The following XPC variants were observed in gnomAD, a reference collection of about 807,000 sequenced individuals.
XPC encodes XPC complex subunit, DNA damage recognition and repair factor.
Under a neutral mutation model 95.8 loss-of-function variants are expected in XPC, and 76 were observed. The ratio of observed to expected loss-of-function variants is 0.79; its 90% CI spans 0.66 to 0.96. The LOEUF (loss-of-function observed/expected upper bound fraction) is 0.96. Among genes scored for constraint, XPC ranks in the 40% least tolerant of loss-of-function variants. The pLI, the probability that XPC is intolerant of heterozygous loss-of-function variation, is 0.00. For missense variants in XPC, 1,146 were observed against 1,179.8 expected (o/e 0.97, Z 0.42); for synonymous variants, 442 against 442.1 (o/e 1.00, Z 0.00).
intron 7 of XPC, among the ~76,000 whole-genome samples, chr3:14,162,459 G>A (rs1696202814): frequency 6.6e-6 from 1 of 152,186 alleles, no homozygotes; most frequent in Non-Finnish European, 1.5e-5. Flanking sequence ...AGAATTGAGA[G>A]GCTGGAAATT....
Position 14,146,099 on chromosome 3 carries a change from C to T in XPC, c.2665G>A (p.Gly889Arg). The change falls in exon 16 of 16, where the codon GGG becomes AGG. Residue 889 changes from glycine to arginine, a missense_variant. By Grantham distance (125) the Gly-to-Arg change is moderately radical. Coordinates refer to ENST00000285021, the MANE Select transcript of XPC (RefSeq NM_004628.5). ...GGGLSSDEEEGTSSQAEAARI... is the reference protein window; with the variant it reads ...GGGLSSDEEERTSSQAEAARI... ...GCCGCTTCTGCTTGAGAGCTGGTCC[C>T]CTCCTCTTCATCAGAAGAGAGTCCA... 1 of 1,612,216 alleles carries T rather than the reference C, an allele frequency of 6.2e-7. No homozygotes were observed. The highest frequency in any genetic ancestry group is 8.5e-7 in the Non-Finnish European group (1 of 1,179,448).
At chr3:14,152,577 C>T in intron 10 of XPC, 161 bp from the exon 11 acceptor site, 1 of 594,664 alleles carries the variant, frequency 1.7e-6, no homozygotes. Flanking sequence ...GCTAGGCAAA[C>T]AGCCTTGAAC....
chr3:14,176,750 C>A (rs1354456906), intron 1 of XPC, among the ~76,000 whole-genome samples: 1 of 152,132 alleles, frequency 6.6e-6, no homozygotes, highest in African/African-American at 2.4e-5. Context: ...TCTAATCTAC[C>A]CAGTTTTTTC....
rs200734256 is a variant in XPC at position 14,148,006 on chromosome 3, G to C, written c.2421-5C>G. ...CAGACGATGTATCCATCAGTCCTGT[G>C]GGGACACAACGCGATGTCAACCCTC... On this transcript the variant is annotated splice_region_variant and splice_polypyrimidine_tract_variant and intron_variant, in intron 13 of 15. Coordinates refer to ENST00000285021, the MANE Select transcript of XPC (RefSeq NM_004628.5). The C allele has an allele frequency of 3.8e-6, 6 of 1,574,358 alleles. No individual in the cohort carries two copies. The highest frequency in any genetic ancestry group is 5.2e-6 in the Non-Finnish European group (6 of 1,157,510).
intron 15 of XPC, among the ~76,000 whole-genome samples, chr3:14,146,840 G>A (rs991537808): frequency 2.6e-5 from 4 of 152,190 alleles, no homozygotes; most frequent in African/African-American, 7.2e-5. Flanking sequence ...CCCCCTTGAG[G>A]GCTGCATGTC....
At chr3:14,168,082 G>C (rs1464002856) in intron 4 of XPC, among the ~76,000 whole-genome samples, 175 bp downstream of exon 4, 3 of 152,148 alleles carry the variant, frequency 2.0e-5, no homozygotes, top group Non-Finnish European at 4.4e-5. Flanking sequence ...GCCCCAGCCA[G>C]GACACGAAGG....
intron 11 of XPC, among the ~76,000 whole-genome samples, chr3:14,150,785 A>G (rs764849720): frequency 6.6e-6 from 1 of 152,232 alleles, no homozygotes; most frequent in South Asian, 2.1e-4. Context: ...GCAGAGGCTT[A>G]AAGGGGCAAG....
At chr3:14,150,806 A>G (rs896148550) in intron 11 of XPC, among the ~76,000 whole-genome samples, 8 of 152,210 alleles carry the variant, frequency 5.3e-5, no homozygotes, top group African/African-American at 1.9e-4. Context: ...GGGTTGCCCA[A>G]GAGAACAGGG....
intron 11 of XPC, 68 bp from the exon 12 acceptor site, chr3:14,149,016 C>A: frequency 1.3e-6 from 2 of 1,595,894 alleles, no homozygotes; most frequent in Non-Finnish European, 8.6e-7. Flanking sequence ...GGCCAGGCAC[C>A]ATGCTCAGTG....
chr3:14,157,883 T>TG, intron 9 of XPC, 128 bp downstream of exon 9: 1 of 1,325,970 alleles, frequency 7.5e-7, no homozygotes, highest in Non-Finnish European at 1.0e-6. Context: ...TATATGGCTG[T>TG]GACAATTAAA....
At chr3:14,163,941 C>A (rs918454415) in intron 7 of XPC, among the ~76,000 whole-genome samples, 8 of 152,078 alleles carry the variant, frequency 5.3e-5, no homozygotes, top group Admixed American at 1.3e-4. Flanking sequence ...CCCAGCTACT[C>A]GCGAGGCTGA....
At chr3:14,166,483 T>C (rs3731106) in intron 5 of XPC, among the ~76,000 whole-genome samples, 39,290 of 151,386 alleles carry the variant, frequency 0.26, 5,313 homozygotes, top group African/African-American at 0.3. Flanking sequence ...CCACCATCCA[T>C]CAAAGGGAAA....
In XPC at chr3:14,145,234, T is replaced by C. The variant is rs1695363983; in HGVS notation, c.*707A>G. 2 of 643,316 alleles carry C rather than the reference T, an allele frequency of 3.1e-6. No homozygotes were observed. The highest frequency in any genetic ancestry group is 5.6e-6 in the Non-Finnish European group (2 of 356,006). The allele number at this position is 643,316 out of a possible 1,614,324, so 39.9% of individuals were successfully genotyped here. The stretch of plus-strand genomic sequence containing the variant: ...GAGCTTTATACATTTTATCTAGTAA[T>C]GAATACAATCTAGTTTAACACTCAT... On this transcript the variant is annotated 3_prime_UTR_variant, in exon 16 of 16. Coordinates refer to ENST00000285021, the MANE Select transcript of XPC (RefSeq NM_004628.5).
chr3:14,148,358 G>A (rs888398787), intron 13 of XPC: 2 of 706,090 alleles, frequency 2.8e-6, no homozygotes, highest in Non-Finnish European at 4.6e-6. Context: ...CCAGCATTAC[G>A]ATGCCAGTTT....
rs781724138 is a variant in XPC at position 14,146,139 on chromosome 3, G to T, written c.2625C>A (p.His875Gln). 1 of 1,609,734 alleles carries T rather than the reference G, an allele frequency of 6.2e-7. No homozygotes were observed. The highest frequency in any genetic ancestry group is 8.5e-7 in the Non-Finnish European group (1 of 1,178,762). The change falls in exon 16 of 16, where the codon CAC (histidine) becomes CAA (glutamine). Residue 875 changes from histidine (H) to glutamine (Q), a missense_variant. Transcript: ENST00000285021. ...YGPKSEAAAP[H>Q]TDAGGGLSSD... ...AAGAGAGTCCACCTCCTGCATCTGTGTGGGGAGCTGCTGCCTCACTCTGGA... is the reference window on the plus strand; with the variant it reads ...AAGAGAGTCCACCTCCTGCATCTGTTTGGGGAGCTGCTGCCTCACTCTGGA...
chr3:14,165,354 G>T, intron 6 of XPC, 74 bp downstream of exon 6: 1 of 1,492,986 alleles, frequency 6.7e-7, no homozygotes, highest in South Asian at 1.3e-5. Context: ...CTGTGGAAGT[G>T]ACCTGAACCC....
chr3:14,145,671 T>C lies in XPC; in HGVS notation c.*270A>G, dbSNP rs564228132. ...AAGAGTATCTCCTAGCAAAGTGTTC[T>C]GTAGCTCAAAGGGTGAGTGGGCTTT... On this transcript the variant is annotated 3_prime_UTR_variant, in exon 16 of 16. Coordinates refer to ENST00000285021, the MANE Select transcript of XPC (RefSeq NM_004628.5). 1.1e-3 allele frequency: 751 copies of C among 699,412 alleles called. 9 individuals are homozygous for C. Among genetic ancestry groups the C allele is most frequent in the South Asian group, 3.3e-3 (222 of 66,672 alleles). The allele number at this position is 699,412 out of a possible 1,614,324, so 43.3% of individuals were successfully genotyped here.
At position 14,158,206 on chromosome 3, in the gene XPC, G is replaced by T. The variant is rs767569346; in HGVS notation, c.1677C>A (p.Tyr559Ter). 1.9e-6 allele frequency: 3 copies of T among 1,613,932 alleles called. No individual in the cohort carries two copies. The highest frequency in any genetic ancestry group is 2.7e-5 in the African/African-American group (2 of 75,010). Residue 559 changes from tyrosine to a stop codon, truncating the protein, a stop_gained, in exon 9 of 16, where the codon TAC becomes TAA. Transcript: ENST00000285021. LOFTEE classifies it high-confidence loss of function. The surrounding 1 kb of genome is among the most constrained non-coding windows in gnomAD (Gnocchi z 5.2). ...HGVVGQPLTC[Y>*]KYATKPMTYV... is the part of the protein sequence containing the mutation. ...AGGTCATGGGCTTGGTGGCGTACTT[G>T]TAACAGGTCAGAGGCTGGCCCACCA... is the stretch of plus-strand genomic sequence containing the variant.
At chr3:14,178,440 C>T in intron 1 of XPC, 26 bp downstream of exon 1, 1 of 1,581,992 alleles carries the variant, frequency 6.3e-7, no homozygotes, top group Non-Finnish European at 8.6e-7. Flanking sequence ...GCGTCTCCCG[C>T]GAAGCCCGCT....
Sources: gnomAD v4.1 joint callset for allele counts (sites outside exome capture counted in the v4.1 genomes callset) on GRCh38, gnomAD v4.1.1 for gene constraint, Gnocchi (gnomAD v3.1) non-coding constraint, MANE v1.5 for transcripts, NCBI Gene and HGNC (gene_info 2026-07-23, HGNC 2026-07-21) for gene names.